Variants in ATRNL1 observed in about 807,000 individuals in gnomAD.
ATRNL1 encodes the protein attractin like 1.
Under a neutral mutation model 182.7 loss-of-function variants are expected in ATRNL1, and 95 were observed. The observed-to-expected ratio is 0.52, with a 90% confidence interval of 0.44 to 0.62. ATRNL1 has a LOEUF of 0.62. Ranked by LOEUF, ATRNL1 falls within the 20% of genes least tolerant of loss-of-function variation. The probability of loss-of-function intolerance (pLI) is 0.00; values close to 1 mark genes in which losing one functional copy is unlikely to be tolerated. For missense variants in ATRNL1, 1,471 were observed against 1,679.5 expected (o/e 0.88, Z 2.17); for synonymous variants, 576 against 568.3 (o/e 1.01, Z -0.19).
chr10:115,134,803 C>T (rs1370819740), intron 5 of ATRNL1, among the ~76,000 whole-genome samples: 6 of 152,088 alleles, frequency 3.9e-5, no homozygotes, highest in East Asian at 1.9e-4. Flanking sequence ...CCTGGCAAAC[C>T]GAATCCAGCA....
chr10:115,767,037 G>T (rs1555075208), intron 27 of ATRNL1, among the ~76,000 whole-genome samples: 1 of 152,132 alleles, frequency 6.6e-6, no homozygotes, highest in Non-Finnish European at 1.5e-5. Flanking sequence ...TTTCACAATT[G>T]CAAGGGTTTA....
intron 8 of ATRNL1, among the ~76,000 whole-genome samples, chr10:115,190,962 A>T (rs539169825): frequency 6.6e-6 from 1 of 152,232 alleles, no homozygotes; most frequent in East Asian, 1.9e-4. Context: ...GTAAGTGAGA[A>T]TACGTGATAT....
In ATRNL1 at chr10:115,439,936, A is replaced by G. The variant is rs190044922; in HGVS notation, c.3322+13634A>G. 7.2e-3 allele frequency among the ~76,000 whole-genome samples: 1,096 copies of G among 152,064 alleles called. 5 individuals carry two copies. The highest frequency in any genetic ancestry group is 0.028 in the South Asian group (136 of 4,824). ...TTACCAAATGATGATTTTCTATTTC[A>G]TCATTTGTTTTACATTATTAACTGT... On this transcript the variant is annotated intron_variant, in intron 21 of 28. Transcript: ENST00000355044.
At chr10:115,878,046 A>G (rs1589638215) in intron 28 of ATRNL1, among the ~76,000 whole-genome samples, 1 of 152,188 alleles carries the variant, frequency 6.6e-6, no homozygotes, top group South Asian at 2.1e-4. Context: ...GCCCAGGGCT[A>G]GGAGACCTGC....
chr10:115,726,855 GT>G (rs10548508), intron 26 of ATRNL1, among the ~76,000 whole-genome samples: 4,028 of 146,856 alleles, frequency 0.027, 125 homozygotes, highest in African/African-American at 0.084. Context: ...TATTTTTACT[GT>G]TTTTTTTTTT....
At chr10:115,745,328 G>A (rs1948260525) in intron 27 of ATRNL1, among the ~76,000 whole-genome samples, 1 of 152,016 alleles carries the variant, frequency 6.6e-6, no homozygotes, top group Non-Finnish European at 1.5e-5. Context: ...CTATTACTAA[G>A]TTTATTCCAT....
intron 25 of ATRNL1, among the ~76,000 whole-genome samples, chr10:115,540,632 C>G (rs374002788): frequency 6.6e-6 from 1 of 151,756 alleles, no homozygotes; most frequent in Admixed American, 6.6e-5. Context: ...TGGTAGCACA[C>G]GCCTATAATC....
chr10:115,620,424 A>G (rs1451477436), intron 26 of ATRNL1, among the ~76,000 whole-genome samples: 1 of 152,312 alleles, frequency 6.6e-6, no homozygotes, highest in East Asian at 1.9e-4. Flanking sequence ...TTACTTATCA[A>G]GGAGTTACAT....
intron 27 of ATRNL1, among the ~76,000 whole-genome samples, chr10:115,837,555 G>A (rs2134328137): frequency 7.0e-6 from 1 of 142,938 alleles, no homozygotes; most frequent in Middle Eastern, 3.7e-3. Context: ...GCATTTCTAA[G>A]CATATCCATC....
intron 26 of ATRNL1, among the ~76,000 whole-genome samples, chr10:115,595,554 CAG>C (rs1304136670): frequency 6.6e-6 from 1 of 152,104 alleles, no homozygotes; most frequent in Non-Finnish European, 1.5e-5. Context: ...AAAAGAAAAA[CAG>C]GGATTTTCAT....
chr10:115,299,631 T>C (rs1853373168), intron 15 of ATRNL1, among the ~76,000 whole-genome samples: 2 of 152,128 alleles, frequency 1.3e-5, no homozygotes, highest in Admixed American at 1.3e-4. Flanking sequence ...CAATTTATCT[T>C]TAGAGTCTTA....
intron 26 of ATRNL1, among the ~76,000 whole-genome samples, chr10:115,647,219 T>A (rs1372103069): frequency 6.6e-6 from 1 of 152,096 alleles, no homozygotes; most frequent in Non-Finnish European, 1.5e-5. Context: ...TTTGGGTTGG[T>A]TCCAAGTCTT....
At chr10:115,265,597 T>A (rs576074335) in intron 11 of ATRNL1, among the ~76,000 whole-genome samples, 2 of 151,810 alleles carry the variant, frequency 1.3e-5, no homozygotes, top group East Asian at 3.9e-4. Context: ...AAGATGGAAC[T>A]GAAATGATAG....
At chr10:115,540,414 A>G (rs1228296452) in intron 25 of ATRNL1, among the ~76,000 whole-genome samples, 1 of 152,122 alleles carries the variant, frequency 6.6e-6, no homozygotes, top group Non-Finnish European at 1.5e-5. Flanking sequence ...TTATTTATAA[A>G]TAATACCTCA....
chr10:115,314,144 C>A (rs1421343126), intron 17 of ATRNL1, among the ~76,000 whole-genome samples: 2 of 152,108 alleles, frequency 1.3e-5, no homozygotes, highest in Non-Finnish European at 2.9e-5. Flanking sequence ...ACAAATTTAA[C>A]ATTAGCCACT....
chr10:115,497,149 T>A (rs1279234779), intron 24 of ATRNL1, among the ~76,000 whole-genome samples: 5 of 152,202 alleles, frequency 3.3e-5, no homozygotes, highest in African/African-American at 1.2e-4. Context: ...CGTGGTCCAT[T>A]CTACTGTGAA....
At chr10:115,155,149 AT>A (rs1162580670) in intron 5 of ATRNL1, among the ~76,000 whole-genome samples, 4 of 150,354 alleles carry the variant, frequency 2.7e-5, no homozygotes, top group Non-Finnish European at 4.4e-5. Flanking sequence ...GTTTTAATGG[AT>A]TTTTTTTCTA....
chr10:115,369,577 GAT>G (rs758993911), intron 19 of ATRNL1, among the ~76,000 whole-genome samples: 3 of 152,020 alleles, frequency 2.0e-5, no homozygotes, highest in Admixed American at 6.6e-5. Context: ...ATTTTCCTTG[GAT>G]ATATATACAC....
Position 115,300,084 on chromosome 10 carries a change from A to T in ATRNL1, c.2466A>T (p.Gly822=), listed in dbSNP as rs372414671. ...GCAAGATCAATATATCCTATTGGGG[A>T]TGGGAAGACATGTCTCCTTTTACAA... ...GLRKINISYW[G]WEDMSPFTNT... The change falls in exon 16 of 29, where the codon GGA becomes GGT. Residue 822 remains glycine (G), a synonymous_variant. Transcript: ENST00000355044. 6.1e-5 allele frequency: 99 copies of T among 1,613,910 alleles called. No homozygotes were observed. The highest frequency in any genetic ancestry group is 7.7e-5 in the Non-Finnish European group (91 of 1,179,914).
Sources: allele counts gnomAD v4.1 joint callset (sites outside exome capture counted in the v4.1 genomes callset), GRCh38; gene constraint gnomAD v4.1.1; transcripts MANE v1.5; gene names NCBI Gene and HGNC (gene_info 2026-07-23, HGNC 2026-07-21).